Variants in ROBO2 observed in about 807,000 individuals in gnomAD.
The protein encoded by ROBO2 is roundabout guidance receptor 2, also known as roundabout homolog 2.
A neutral mutation model predicts 160.8 loss-of-function variants in ROBO2; 53 were observed. The observed-to-expected ratio is 0.33, with a 90% CI of 0.26 to 0.41. The LOEUF is 0.41. Ranked by LOEUF, ROBO2 falls within the 10% of genes least tolerant of loss-of-function variation. The pLI is 1.00. For missense variants in ROBO2, 1,577 were observed against 1,722.4 expected (o/e 0.92, Z 1.49); for synonymous variants, 664 against 611.7 (o/e 1.09, Z -1.26).
intron 2 of ROBO2, among the ~76,000 whole-genome samples, chr3:76,654,036 AG>A (rs1002576864): frequency 6.6e-6 from 1 of 152,232 alleles, no homozygotes; most frequent in African/African-American, 2.4e-5. Flanking sequence ...AGGGTCAGAA[AG>A]GGAATCCCAT....
At chr3:77,543,943 G>A (rs1337568964) in intron 6 of ROBO2, among the ~76,000 whole-genome samples, 8 of 151,900 alleles carry the variant, frequency 5.3e-5, no homozygotes, top group Non-Finnish European at 8.8e-5. Flanking sequence ...AATAATTTTC[G>A]ATACATGCTA....
chr3:76,352,676 A>G (rs1367123773), intron 2 of ROBO2, among the ~76,000 whole-genome samples: 1 of 151,954 alleles, frequency 6.6e-6, no homozygotes, highest in African/African-American at 2.4e-5. Flanking sequence ...TGATTGATGA[A>G]GCGGCCTTTA....
At chr3:77,342,616 A>G (rs2067187309) in intron 2 of ROBO2, among the ~76,000 whole-genome samples, 1 of 152,084 alleles carries the variant, frequency 6.6e-6, no homozygotes. Flanking sequence ...AGAGAGCTAG[A>G]AGACTCCCCA....
rs1440363191 is a variant in ROBO2 at position 76,208,539 on chromosome 3, C to T, written c.109+270937C>T. 2.0e-5 allele frequency among the ~76,000 whole-genome samples: 3 copies of T among 152,084 alleles called. No homozygotes were observed. The East Asian group carries it at 5.8e-4, about 29-fold the overall frequency. ...CCAAAGATCTTAGACACGTGATTTC[C>T]CAGCTTTTGTACTTTGTTTTCTTAA... On this transcript the variant is annotated intron_variant, in intron 2 of 26. Transcript: ENST00000487694.
chr3:77,512,574 G>A, intron 5 of ROBO2, among the ~76,000 whole-genome samples: 1 of 151,784 alleles, frequency 6.6e-6, no homozygotes, highest in Middle Eastern at 3.2e-3. Flanking sequence ...ATCAGTACAG[G>A]GTTCCATAAG....
chr3:76,594,074 A>G (rs1430972161), intron 2 of ROBO2, among the ~76,000 whole-genome samples: 1 of 152,046 alleles, frequency 6.6e-6, no homozygotes, highest in African/African-American at 2.4e-5. Flanking sequence ...ATCATAGTTT[A>G]ATTTTATTGA....
Position 76,384,024 on chromosome 3 carries a change from G to A in ROBO2, c.109+446422G>A, listed in dbSNP as rs138476015. On this transcript the variant is annotated intron_variant, in intron 2 of 26. Transcript: ENST00000487694. ...AGGCTGGGCAGAAATGCAGAAGAGC[G>A]TCCCTGATAAGGCACTGGAAGAGAA... 1.9e-4 allele frequency among the ~76,000 whole-genome samples: 29 copies of A among 152,300 alleles called. No homozygotes were observed. The South Asian group carries it at 2.1e-3, about 11-fold the overall frequency.
intron 24 of ROBO2, among the ~76,000 whole-genome samples, chr3:77,640,387 T>G (rs2095333631): frequency 6.6e-6 from 1 of 152,180 alleles, no homozygotes; most frequent in Non-Finnish European, 1.5e-5. Context: ...TGCTGCGATT[T>G]ACAGGCGTGA....
chr3:76,197,542 T>C (rs928147511), intron 2 of ROBO2, among the ~76,000 whole-genome samples: 1 of 151,698 alleles, frequency 6.6e-6, no homozygotes, highest in South Asian at 2.1e-4. Flanking sequence ...GTTAATCAAT[T>C]TCTCTTTAGA....
chr3:76,057,865 A>G (rs1260823836), intron 2 of ROBO2, among the ~76,000 whole-genome samples: 3 of 152,180 alleles, frequency 2.0e-5, no homozygotes, highest in Admixed American at 6.5e-5. Flanking sequence ...CCATAAACAA[A>G]TGTTTTTGTT....
At chr3:77,303,233 A>G (rs1227010762) in intron 2 of ROBO2, among the ~76,000 whole-genome samples, 2 of 152,160 alleles carry the variant, frequency 1.3e-5, no homozygotes, top group African/African-American at 4.8e-5. Flanking sequence ...GTACCATATT[A>G]ATTTGGAAGT....
chr3:77,422,499 T>C (rs1216180245), intron 2 of ROBO2, among the ~76,000 whole-genome samples: 2 of 152,218 alleles, frequency 1.3e-5, no homozygotes, highest in African/African-American at 2.4e-5. Flanking sequence ...CCTCCTGAGA[T>C]ATGACTCTGG....
At chr3:77,208,639 A>G (rs750625426) in intron 2 of ROBO2, among the ~76,000 whole-genome samples, 6 of 152,246 alleles carry the variant, frequency 3.9e-5, no homozygotes, top group Admixed American at 1.3e-4. Context: ...ATAAATGAGC[A>G]ATCAGTCTCA....
intron 2 of ROBO2, among the ~76,000 whole-genome samples, chr3:76,956,071 T>G (rs911018936): frequency 1.3e-5 from 2 of 152,058 alleles, no homozygotes; most frequent in Admixed American, 6.6e-5. Context: ...GTCTCTACTT[T>G]ACGCCCTCCA....
chr3:76,719,112 A>T (rs1328436922), intron 2 of ROBO2, among the ~76,000 whole-genome samples: 1 of 152,172 alleles, frequency 6.6e-6, no homozygotes, highest in Non-Finnish European at 1.5e-5. Context: ...TAGAGATAGA[A>T]AATTGAAGAA....
At chr3:76,925,228 A>AAAAAAT (rs757543990) in intron 2 of ROBO2, among the ~76,000 whole-genome samples, 43 of 147,552 alleles carry the variant, frequency 2.9e-4, no homozygotes, top group African/African-American at 8.8e-4. Flanking sequence ...AAAAAAAAAA[A>AAAAAAT]AAATCTGGTT....
intron 1 of ROBO2, among the ~76,000 whole-genome samples, chr3:75,934,862 A>G (rs1947702447): frequency 6.6e-6 from 1 of 152,114 alleles, no homozygotes; most frequent in Non-Finnish European, 1.5e-5. Context: ...TAAAATGACT[A>G]CTGGATGTAG....
At chr3:77,410,616 T>TCCTCCTCCTCC (rs1581726193) in intron 2 of ROBO2, among the ~76,000 whole-genome samples, 1 of 51,796 alleles carries the variant, frequency 1.9e-5, no homozygotes, top group Admixed American at 1.7e-4. Context: ...CTCTTCCTCC[T>TCCTCCTCCTCC]TCTTCTCCTC....
At chr3:76,213,388 C>G (rs1703276547) in intron 2 of ROBO2, among the ~76,000 whole-genome samples, 1 of 151,984 alleles carries the variant, frequency 6.6e-6, no homozygotes, top group Non-Finnish European at 1.5e-5. Context: ...ATGGGAAATT[C>G]CTTTTAAAAA....
Sources: allele counts gnomAD v4.1 joint callset (sites outside exome capture counted in the v4.1 genomes callset), GRCh38; gene constraint gnomAD v4.1.1; transcripts MANE v1.5; gene names NCBI Gene and HGNC (gene_info 2026-07-23, HGNC 2026-07-21).